The following ARHGAP29 variants were observed in gnomAD, a reference collection of about 807,000 sequenced individuals.
The protein encoded by ARHGAP29 is rho GTPase-activating protein 29.
Under a neutral mutation model 122.6 loss-of-function variants are expected in ARHGAP29, and 43 were observed. The observed-to-expected ratio is 0.35, with a 90% CI of 0.27 to 0.45. ARHGAP29 has a LOEUF of 0.45. ARHGAP29 is among the 20% of genes least tolerant of loss of function. The pLI is 1.00. For synonymous variants in ARHGAP29, 506 were observed against 497.1 expected, an observed-to-expected ratio of 1.02 and a Z score of -0.24; for missense variants, 1,303 against 1,477.2, an observed-to-expected ratio of 0.88 and a Z score of 1.93.
the ARHGAP29 span, among the ~76,000 whole-genome samples, chr1:94,292,448 A>T: frequency 3.9e-5 from 6 of 152,280 alleles, no homozygotes; most frequent in African/African-American, 1.2e-4. Flanking sequence ...TCTGAAGCCT[A>T]CTTCCGTCAA....
At chr1:94,260,122 G>A (rs1034873177) in intron 1 of ARHGAP29, among the ~76,000 whole-genome samples, 2 of 152,146 alleles carry the variant, frequency 1.3e-5, no homozygotes, top group Admixed American at 6.5e-5. Flanking sequence ...CATTTGCCAC[G>A]TCATCACAAG....
chr1:94,302,728 C>T, the ARHGAP29 span: 1 of 383,462 alleles, frequency 2.6e-6, no homozygotes, highest in Non-Finnish European at 5.1e-6. Flanking sequence ...CATGTACCCA[C>T]TGCCAATGTG....
intron 1 of ARHGAP29, among the ~76,000 whole-genome samples, chr1:94,255,298 A>G (rs1166392721): frequency 3.3e-5 from 5 of 152,214 alleles, no homozygotes; most frequent in Non-Finnish European, 5.9e-5. Flanking sequence ...CTACAAGTTG[A>G]GAGAGTCCTC....
At chr1:94,234,102 T>C (rs1421654312) in intron 1 of ARHGAP29, among the ~76,000 whole-genome samples, 1 of 152,192 alleles carries the variant, frequency 6.6e-6, no homozygotes, top group African/African-American at 2.4e-5. Flanking sequence ...TGTGAGATGT[T>C]CCATAGTATC....
At chr1:94,264,030 T>A (rs908589581) in intron 1 of ARHGAP29, among the ~76,000 whole-genome samples, 1 of 152,200 alleles carries the variant, frequency 6.6e-6, no homozygotes, top group African/African-American at 2.4e-5. Flanking sequence ...ATTTCCCTAG[T>A]TGAGATCCCT....
At chr1:94,284,086 GA>G in the ARHGAP29 span, among the ~76,000 whole-genome samples, 88,622 of 143,976 alleles carry the variant, frequency 0.62, 27,131 homozygotes, top group Middle Eastern at 0.79. Flanking sequence ...GCAGAAATGG[GA>G]AAAAAAAAAA....
the ARHGAP29 span, among the ~76,000 whole-genome samples, chr1:94,309,827 A>G: frequency 8.1e-4 from 124 of 152,266 alleles, no homozygotes; most frequent in African/African-American, 2.9e-3. Flanking sequence ...CTCTAGGTAA[A>G]TGGCGATCTC....
chr1:94,220,217 T>G (rs1652208947), intron 3 of ARHGAP29, 41 bp downstream of exon 3: 1 of 1,608,438 alleles, frequency 6.2e-7, no homozygotes, highest in South Asian at 1.1e-5. Context: ...ACTTGGCTCC[T>G]TTTTGCCCAC....
the ARHGAP29 span, among the ~76,000 whole-genome samples, chr1:94,310,859 A>G: frequency 2.0e-5 from 3 of 152,132 alleles, no homozygotes; most frequent in Non-Finnish European, 4.4e-5. Context: ...CTCACTTTCA[A>G]TTCATGAAAG....
At chr1:94,179,504 G>T (rs1010083742) in intron 20 of ARHGAP29, among the ~76,000 whole-genome samples, 1 of 137,548 alleles carries the variant, frequency 7.3e-6, no homozygotes, top group Non-Finnish European at 1.5e-5. Context: ...TGAGGCAGAA[G>T]AATTGCTTGA....
chr1:94,242,029 A>G (rs1232098186), upstream of ARHGAP29, among the ~76,000 whole-genome samples: 1 of 152,096 alleles, frequency 6.6e-6, no homozygotes, highest in African/African-American at 2.4e-5. Flanking sequence ...AATCTGTAGG[A>G]CAGAGTACCA....
At chr1:94,198,499 CA>C (rs1417776542) in intron 12 of ARHGAP29, among the ~76,000 whole-genome samples, 1 of 151,886 alleles carries the variant, frequency 6.6e-6, no homozygotes, top group Non-Finnish European at 1.5e-5. Flanking sequence ...AAAAACCCCC[CA>C]AACCAATTAA....
At chr1:94,307,682 G>A in the ARHGAP29 span, among the ~76,000 whole-genome samples, 2 of 152,012 alleles carry the variant, frequency 1.3e-5, no homozygotes, top group African/African-American at 4.8e-5. Context: ...TGATGAGAAA[G>A]GATAGGATAT....
intron 1 of ARHGAP29, among the ~76,000 whole-genome samples, chr1:94,262,770 C>T (rs960862637): frequency 1.3e-5 from 2 of 151,996 alleles, no homozygotes; most frequent in Admixed American, 6.6e-5. Flanking sequence ...GGCAAGGTTG[C>T]GGAGAAAAAG....
chr1:94,293,880 T>G, the ARHGAP29 span, among the ~76,000 whole-genome samples: 19 of 152,282 alleles, frequency 1.2e-4, no homozygotes, highest in Non-Finnish European at 2.1e-4. Flanking sequence ...CACTGGCCAC[T>G]GGTGATTGAC....
Position 94,231,606 on chromosome 1 carries a change from A to C in ARHGAP29, c.6T>G (p.Ile2Met), listed in dbSNP as rs1462657501. Residue 2 changes from isoleucine to methionine, a missense_variant, in exon 2 of 23, where the codon ATT becomes ATG. Coordinates refer to ENST00000260526, the MANE Select transcript of ARHGAP29 (RefSeq NM_004815.4). M[I>M]AHKQKKTKKK... ...TCTTTGTCTTTTTCTGTTTGTGAGCAATCATCCTTTCATGTAACAGTCAGA... is the reference window on the plus strand; with the variant it reads ...TCTTTGTCTTTTTCTGTTTGTGAGCCATCATCCTTTCATGTAACAGTCAGA... The C allele has an allele frequency of 1.2e-6, 2 of 1,612,726 alleles. No individual in the cohort carries two copies. The highest frequency in any genetic ancestry group is 1.7e-6 in the Non-Finnish European group (2 of 1,179,422).
chr1:94,237,362 G>A (rs1039747861), intron 1 of ARHGAP29, 53 bp downstream of exon 1: 2 of 979,644 alleles, frequency 2.0e-6, no homozygotes, highest in Admixed American at 6.1e-5. Context: ...GGCAACCCCA[G>A]CCCGGAGCCA....
intron 12 of ARHGAP29, among the ~76,000 whole-genome samples, chr1:94,196,512 C>T (rs1436985713): frequency 2.0e-5 from 3 of 151,828 alleles, no homozygotes. Context: ...CCGCCCGCCT[C>T]GGCCTCCCAA....
chr1:94,180,798 C>G (rs1448621347), intron 19 of ARHGAP29, among the ~76,000 whole-genome samples: 1 of 152,096 alleles, frequency 6.6e-6, no homozygotes, highest in African/African-American at 2.4e-5. Context: ...CATGGTTTCC[C>G]ACATGAAAGT....
Sources: allele counts gnomAD v4.1 joint callset (sites outside exome capture counted in the v4.1 genomes callset), GRCh38; gene constraint gnomAD v4.1.1; transcripts MANE v1.5; gene names NCBI Gene and HGNC (gene_info 2026-07-23, HGNC 2026-07-21).